The following RCOR1 variants were observed in gnomAD, a reference collection of about 807,000 sequenced individuals.
RCOR1 encodes REST corepressor 1.
Under a neutral mutation model 64.0 loss-of-function variants are expected in RCOR1, and 12 were observed. The observed-to-expected ratio is 0.19, with a 90% CI of 0.12 to 0.30. RCOR1 has a LOEUF of 0.30. Among genes scored for constraint, RCOR1 ranks in the 10% least tolerant of loss-of-function variants. RCOR1 has a pLI of 1.00. For synonymous variants in RCOR1, 279 were observed against 227.2 expected (o/e 1.23, Z -2.05); for missense variants, 502 against 621.2 (o/e 0.81, Z 2.04).
intron 2 of RCOR1, among the ~76,000 whole-genome samples, chr14:102,609,653 C>A (rs1433524161): frequency 1.3e-5 from 2 of 150,864 alleles, no homozygotes; most frequent in East Asian, 4.0e-4. Context: ...ACCGTGTTGG[C>A]CAGGCTGATC....
chr14:102,631,447 C>A (rs1182072079), intron 2 of RCOR1, among the ~76,000 whole-genome samples: 2 of 152,068 alleles, frequency 1.3e-5, no homozygotes, highest in East Asian at 3.9e-4. Context: ...TCATGATCCG[C>A]CTGCCTTGGC....
chr14:102,717,763 G>A (rs1424675451), intron 8 of RCOR1, among the ~76,000 whole-genome samples: 1 of 152,080 alleles, frequency 6.6e-6, no homozygotes, highest in East Asian at 1.9e-4. Context: ...CATAGGGTGA[G>A]AGAGAAAAGA....
At chr14:102,605,096 G>GA (rs1893479660) in intron 2 of RCOR1, among the ~76,000 whole-genome samples, 1 of 140,488 alleles carries the variant, frequency 7.1e-6, no homozygotes, top group South Asian at 2.3e-4. Flanking sequence ...AAAAGGAAAA[G>GA]AAAAAACACT....
At chr14:102,612,321 C>T (rs576159378) in intron 2 of RCOR1, among the ~76,000 whole-genome samples, 7 of 151,972 alleles carry the variant, frequency 4.6e-5, no homozygotes, top group Non-Finnish European at 8.8e-5. Context: ...TGAGCCACTG[C>T]ACTTCCTGAG....
intron 3 of RCOR1, among the ~76,000 whole-genome samples, chr14:102,687,763 A>T (rs979259114): frequency 1.3e-5 from 2 of 152,138 alleles, no homozygotes; most frequent in Non-Finnish European, 2.9e-5. Context: ...TATGATTTTT[A>T]CATCAAGCAT....
At chr14:102,627,434 A>G (rs2896451) in intron 2 of RCOR1, among the ~76,000 whole-genome samples, 4,348 of 152,282 alleles carry the variant, frequency 0.029, 211 homozygotes, top group African/African-American at 0.1. Context: ...AGGCTGGCGG[A>G]TCACCTGAGG....
chr14:102,713,465 G>A (rs1213238106), intron 7 of RCOR1, among the ~76,000 whole-genome samples: 2 of 151,956 alleles, frequency 1.3e-5, no homozygotes, highest in Non-Finnish European at 2.9e-5. Context: ...TGTAGTTTTA[G>A]TAGAGATGGG....
rs772115150 is a variant in RCOR1 at position 102,603,947 on chromosome 14, A to G, written c.361+10622A>G. Among the ~76,000 whole-genome samples, 103 of 151,686 alleles carry G rather than the reference A, an allele frequency of 6.8e-4. 1 individual carries two copies. Among genetic ancestry groups the G allele is most frequent in the Non-Finnish European group, 2.2e-4 (15 of 67,940 alleles). ...TGGATATTCTTTGTTAGAATTGCAC[A>G]TATGTTTTTTGTTTTTTCTTTAATA... On this transcript the variant is annotated intron_variant, in intron 2 of 11. Coordinates refer to ENST00000262241, the MANE Select transcript of RCOR1 (RefSeq NM_015156.4).
At chr14:102,697,776 A>G (rs1295539752) in intron 3 of RCOR1, among the ~76,000 whole-genome samples, 2 of 150,134 alleles carry the variant, frequency 1.3e-5, no homozygotes, top group African/African-American at 4.9e-5. Flanking sequence ...GTTGGAATGC[A>G]GTGGCACGAT....
chr14:102,595,617 C>T (rs1338976276), intron 2 of RCOR1, among the ~76,000 whole-genome samples: 1 of 151,196 alleles, frequency 6.6e-6, no homozygotes, highest in African/African-American at 2.4e-5. Context: ...TTGCTCTGTC[C>T]CTCAGGCTGG....
chr14:102,634,336 C>G lies in RCOR1; in HGVS notation c.361+41011C>G, dbSNP rs1894187485. On this transcript the variant is annotated intron_variant, in intron 2 of 11. Coordinates refer to ENST00000262241, the MANE Select transcript of RCOR1 (RefSeq NM_015156.4). ...TTCAGTGAGCTATATGATTATGCCA[C>G]TGCACTCCATCCTGGGTGACAGAGC... Among the ~76,000 whole-genome samples, 6 of 151,992 alleles carry G rather than the reference C, an allele frequency of 3.9e-5. No individual in the cohort carries two copies. In the South Asian group the frequency reaches 1.2e-3, roughly 31 times the overall value.
At chr14:102,646,786 A>T (rs1220435734) in intron 2 of RCOR1, among the ~76,000 whole-genome samples, 1 of 152,250 alleles carries the variant, frequency 6.6e-6, no homozygotes, top group Non-Finnish European at 1.5e-5. Flanking sequence ...ATACTAAAGG[A>T]ACTGTCATGA....
intron 2 of RCOR1, among the ~76,000 whole-genome samples, chr14:102,599,113 A>G (rs890187651): frequency 6.6e-6 from 1 of 152,004 alleles, no homozygotes; most frequent in African/African-American, 2.4e-5. Flanking sequence ...TTTGAAATGA[A>G]TAATGTTTTT....
intron 2 of RCOR1, among the ~76,000 whole-genome samples, chr14:102,676,599 A>T (rs1595224975): frequency 1.5e-5 from 1 of 67,416 alleles, no homozygotes; most frequent in African/African-American, 6.6e-5. Flanking sequence ...GGCGCCCCTC[A>T]CCTCCCGGAC....
chr14:102,634,571 T>G (rs991093537), intron 2 of RCOR1, among the ~76,000 whole-genome samples: 1 of 151,830 alleles, frequency 6.6e-6, no homozygotes, highest in Non-Finnish European at 1.5e-5. Context: ...ACTAAGTTTT[T>G]TGACATCTTT....
chr14:102,657,542 T>G (rs1404428520), intron 2 of RCOR1: 9 of 983,840 alleles, frequency 9.1e-6, no homozygotes, highest in Non-Finnish European at 1.1e-5. Flanking sequence ...ACTCTCAAGA[T>G]CTGATGATTG....
chr14:102,593,069 C>T lies in RCOR1; in HGVS notation c.183C>T (p.Ala61=), dbSNP rs923090236. 1.4e-6 allele frequency: 2 copies of T among 1,403,640 alleles called. No homozygotes were observed. Among genetic ancestry groups the T allele is most frequent in the Non-Finnish European group, 1.9e-6 (2 of 1,071,140 alleles). The allele number at this position is 1,403,640 out of a possible 1,614,324, so 86.9% of individuals were successfully genotyped here. The change falls in exon 1 of 12, where the codon GCC becomes GCT. Residue 61 remains alanine, a synonymous_variant. Transcript: ENST00000262241. ...CAGCCTCGGCCGCCGCCGCCTCAGC[C>T]GCCGCCGCCCCCAATAATGGCCAGA... ...ASSASAAAAS[A]AAAPNNGQNK...
intron 2 of RCOR1, among the ~76,000 whole-genome samples, chr14:102,596,441 G>C (rs1267424699): frequency 6.6e-6 from 1 of 152,196 alleles, no homozygotes; most frequent in African/African-American, 2.4e-5. Context: ...TTTCTTAGCT[G>C]TTTAAGACTT....
intron 2 of RCOR1, among the ~76,000 whole-genome samples, chr14:102,645,308 C>T (rs1370729128): frequency 6.6e-6 from 1 of 152,180 alleles, no homozygotes; most frequent in Admixed American, 6.5e-5. Flanking sequence ...GTATTACAGT[C>T]ACAGTCTGGG....
Sources: gnomAD v4.1 joint callset for allele counts (sites outside exome capture counted in the v4.1 genomes callset) on GRCh38, gnomAD v4.1.1 for gene constraint, MANE v1.5 for transcripts, NCBI Gene and HGNC (gene_info 2026-07-23, HGNC 2026-07-21) for gene names.